BEST4: variants seen among roughly 807,000 people sequenced by gnomAD.
BEST4 encodes the protein bestrophin-4.
A neutral mutation model predicts 47.1 loss-of-function variants in BEST4; 36 were observed. The ratio of observed to expected loss-of-function variants is 0.76; its 90% CI spans 0.59 to 1.01. BEST4 has a LOEUF of 1.01. Among genes scored for constraint, BEST4 ranks in the 50% least tolerant of loss-of-function variants. BEST4 has a pLI of 0.00. For missense variants in BEST4, 550 were observed against 648.6 expected (o/e 0.85, Z 1.65); for synonymous variants, 250 against 277.8 (o/e 0.90, Z 1.00).
chr1:44,787,477 C>A lies in BEST4; in HGVS notation c.153-11G>T, dbSNP rs746721992. On this transcript the variant is annotated splice_polypyrimidine_tract_variant and intron_variant, in intron 1 of 8. Coordinates refer to ENST00000372207, the MANE Select transcript of BEST4 (RefSeq NM_153274.3). Reference sequence around the variant, plus strand: ...TGGGTCAGCAGCAGCCTGGGGAAGGCAGGTGTAGGCTTGGGTTAGAGGGAG... The same window carrying A: ...TGGGTCAGCAGCAGCCTGGGGAAGGAAGGTGTAGGCTTGGGTTAGAGGGAG... The A allele has an allele frequency of 6.2e-7, 1 of 1,614,164 alleles. No homozygotes were observed. The highest frequency in any genetic ancestry group is 1.7e-5 in the Admixed American group (1 of 60,020).
chr1:44,787,480 G>A lies in BEST4; in HGVS notation c.153-14C>T, dbSNP rs1168712003. On this transcript the variant is annotated splice_polypyrimidine_tract_variant and intron_variant, in intron 1 of 8. Coordinates refer to ENST00000372207, the MANE Select transcript of BEST4 (RefSeq NM_153274.3). ...GTCAGCAGCAGCCTGGGGAAGGCAG[G>A]TGTAGGCTTGGGTTAGAGGGAGGTG... The A allele has an allele frequency of 6.2e-7, 1 of 1,614,170 alleles. No homozygotes were observed. The highest frequency in any genetic ancestry group is 1.7e-5 in the Admixed American group (1 of 60,026).
Position 44,783,970 on chromosome 1 carries a change from C to T in BEST4, c.*240G>A, listed in dbSNP as rs1220680087. 1.4e-5 allele frequency: 6 copies of T among 428,752 alleles called. No individual in the cohort carries two copies. The highest frequency in any genetic ancestry group is 2.4e-5 in the Non-Finnish European group (6 of 245,864). The allele number at this position is 428,752 out of a possible 1,614,324, so 26.6% of individuals were successfully genotyped here. On this transcript the variant is annotated 3_prime_UTR_variant, in exon 9 of 9. Coordinates refer to ENST00000372207, the MANE Select transcript of BEST4 (RefSeq NM_153274.3). ...GGCTCTAGTCCTCTATGCCTGGGCT[C>T]ATTTATTTTTCTAGCTTCACGTCCC...
In BEST4 at chr1:44,784,514, C is replaced by T. The variant is rs1178677014; in HGVS notation, c.1149-31G>A. 11 of 1,485,004 alleles carry T rather than the reference C, an allele frequency of 7.4e-6. No individual in the cohort carries two copies. The Admixed American group carries it at 9.1e-5, about 12-fold the overall frequency. The allele number at this position is 1,485,004 out of a possible 1,614,324, so 92.0% of individuals were successfully genotyped here. On this transcript the variant is annotated intron_variant, in intron 8 of 8. Transcript: ENST00000372207. The surrounding 1 kb of genome is among the most constrained non-coding windows in gnomAD (Gnocchi z 6.2). ...GGCGGGAGGGCGGGCTGAGCCGGGGCACAGGGCGGGAGCGGGGACGCGGGA... is the reference window on the plus strand; with the variant it reads ...GGCGGGAGGGCGGGCTGAGCCGGGGTACAGGGCGGGAGCGGGGACGCGGGA...
Position 44,786,509 on chromosome 1 carries a change from G to A in BEST4, c.435C>T (p.Thr145=). The stretch of plus-strand genomic sequence containing the variant: ...TGGTGGGGAAGCGCTTAAGCACGCG[G>A]GTGCTGACCGAGCGCAGCACCAGCA... ...ASVLVLRSVS[T]RVLKRFPTME... Residue 145 remains threonine (T), a synonymous_variant, in exon 3 of 9, where the codon ACC becomes ACT. Coordinates refer to ENST00000372207, the MANE Select transcript of BEST4 (RefSeq NM_153274.3). This position sits in a 1 kb window ranked among gnomAD's most constrained non-coding sequence, Gnocchi z 4.9. 1.9e-6 allele frequency: 3 copies of A among 1,546,922 alleles called. 1 individual carries two copies. Among genetic ancestry groups the A allele is most frequent in the Non-Finnish European group, 2.6e-6 (3 of 1,146,734 alleles).
Position 44,784,502 on chromosome 1 carries a change from G to GCCCCC in BEST4, c.1149-20_1149-19insGGGGG. 1 of 399,786 alleles carries GCCCCC rather than the reference G, an allele frequency of 2.5e-6. No individual in the cohort carries two copies. The highest frequency in any genetic ancestry group is 4.8e-6 in the Non-Finnish European group (1 of 210,196). 24.8% of individuals were successfully genotyped at this position (399,786 alleles called of 1,614,324 possible). A position where few individuals can be genotyped will look rare whatever the true frequency, so the allele number is the denominator to read the frequency against. Reference sequence around the variant, plus strand: ...GCTCATGCTGCGGGCGGGAGGGCGGGCTGAGCCGGGGCACAGGGCGGGAGC... The same window carrying GCCCCC: ...GCTCATGCTGCGGGCGGGAGGGCGGGCCCCCCTGAGCCGGGGCACAGGGCGGGAGC... On this transcript the variant is annotated intron_variant, in intron 8 of 8. Transcript: ENST00000372207. This position sits in a 1 kb window ranked among gnomAD's most constrained non-coding sequence, Gnocchi z 6.2.
Position 44,785,285 on chromosome 1 carries a change from G to A in BEST4, c.735C>T (p.Tyr245=). ...VYTQVVTIAV[Y]SFFALSLVGR... ...CAACCAGGGAGAGGGCAAAGAAAGA[G>A]TAGACGGCTATGGTCACCACCTGGA... Residue 245 remains tyrosine, a synonymous_variant, in exon 6 of 9, where the codon TAC becomes TAT. Transcript: ENST00000372207. 1.2e-6 allele frequency: 2 copies of A among 1,607,226 alleles called. No individual in the cohort carries two copies. The highest frequency in any genetic ancestry group is 1.1e-5 in the South Asian group (1 of 90,258).
At position 44,784,573 on chromosome 1, in the gene BEST4, C is replaced by T; in HGVS notation, c.1148+56G>A. ...CGGGGAAGGACCGAGGCATCGGTGC[C>T]CCAGAGGCTGAGCGAGGACCCGCGT... On this transcript the variant is annotated intron_variant, in intron 8 of 8. Transcript: ENST00000372207. This position sits in a 1 kb window ranked among gnomAD's most constrained non-coding sequence, Gnocchi z 6.2. 2 of 1,565,428 alleles carry T rather than the reference C, an allele frequency of 1.3e-6. No individual in the cohort carries two copies. The highest frequency in any genetic ancestry group is 1.7e-6 in the Non-Finnish European group (2 of 1,157,138).
chr1:44,782,781 T>C (rs1470810146), downstream of BEST4, among the ~76,000 whole-genome samples: 1 of 152,114 alleles, frequency 6.6e-6, no homozygotes, highest in Non-Finnish European at 1.5e-5. Context: ...CACTCTAGTG[T>C]CCCCCCTCTG....
At chr1:44,785,859 C>G (rs1651199383) in intron 4 of BEST4, among the ~76,000 whole-genome samples, 183 bp from the exon 5 acceptor site, 1 of 152,200 alleles carries the variant, frequency 6.6e-6, no homozygotes, top group African/African-American at 2.4e-5. Flanking sequence ...AATTTCTTTT[C>G]TACTCTGTGC....
In BEST4 at chr1:44,784,334, A is replaced by AC; in HGVS notation, c.1297dup (p.Val433GlyfsTer70). 7.2e-7 allele frequency: 1 copy of AC among 1,393,088 alleles called. No individual in the cohort carries two copies. Among genetic ancestry groups the AC allele is most frequent in the Non-Finnish European group, 9.2e-7 (1 of 1,083,390 alleles). 86.3% of individuals were successfully genotyped at this position (1,393,088 alleles called of 1,614,324 possible). A position where few individuals can be genotyped will look rare whatever the true frequency, so the allele number is the denominator to read the frequency against. On this transcript the variant is annotated frameshift_variant, in exon 9 of 9. Coordinates refer to ENST00000372207, the MANE Select transcript of BEST4 (RefSeq NM_153274.3). LOFTEE classifies it low-confidence loss of function (END_TRUNC). This position sits in a 1 kb window ranked among gnomAD's most constrained non-coding sequence, Gnocchi z 6.2. ...ATGCGGGGGGCGGGGGGTGCCTCGC[A>AC]CGCGGCCGAAGTTCCGGAGGCTGAT...
intron 2 of BEST4, among the ~76,000 whole-genome samples, chr1:44,787,028 T>A (rs1030742320): frequency 1.3e-5 from 2 of 151,822 alleles, no homozygotes; most frequent in East Asian, 3.9e-4. Context: ...GAAGTGAGGG[T>A]CCGGCAAGTG....
At position 44,786,254 on chromosome 1, in the gene BEST4, C is replaced by A; in HGVS notation, c.482-26G>T. 1.3e-6 allele frequency: 2 copies of A among 1,578,504 alleles called. No homozygotes were observed. Among genetic ancestry groups the A allele is most frequent in the Non-Finnish European group, 1.7e-6 (2 of 1,161,522 alleles). On this transcript the variant is annotated intron_variant, in intron 3 of 8. Transcript: ENST00000372207. This position sits in a 1 kb window ranked among gnomAD's most constrained non-coding sequence, Gnocchi z 4.9. ...CTGAGGGGGTAAAGCAGGTGGGGTGCAGTTGCACCCTCTGCCGCCAGGGGA... is the reference window on the plus strand; with the variant it reads ...CTGAGGGGGTAAAGCAGGTGGGGTGAAGTTGCACCCTCTGCCGCCAGGGGA...
At chr1:44,792,604 T>A (rs925985513), upstream of BEST4, among the ~76,000 whole-genome samples, 6 of 152,104 alleles carry the variant, frequency 3.9e-5, no homozygotes, top group African/African-American at 1.4e-4. Context: ...CTTTATCCCT[T>A]CCACCTCTGC....
At chr1:44,787,029 C>T (rs1452908857) in intron 2 of BEST4, among the ~76,000 whole-genome samples, 1 of 152,152 alleles carries the variant, frequency 6.6e-6, no homozygotes, top group East Asian at 1.9e-4. Flanking sequence ...AAGTGAGGGT[C>T]CGGCAAGTGA....
downstream of BEST4, among the ~76,000 whole-genome samples, chr1:44,783,281 C>T (rs1280537421): frequency 1.3e-5 from 2 of 152,292 alleles, no homozygotes; most frequent in South Asian, 2.1e-4. Context: ...TTACATCAGC[C>T]GAGTGCCCCC....
At chr1:44,781,868 A>C (rs1651050746), downstream of BEST4, among the ~76,000 whole-genome samples, 1 of 151,956 alleles carries the variant, frequency 6.6e-6, no homozygotes, top group Non-Finnish European at 1.5e-5. Flanking sequence ...GACTTTATTA[A>C]ATTTGAAGTT....
chr1:44,792,426 CA>C (rs35538089), upstream of BEST4, among the ~76,000 whole-genome samples: 22,680 of 98,098 alleles, frequency 0.23, 1,761 homozygotes, highest in East Asian at 0.34. Context: ...GACTCCATCT[CA>C]AAAAAAAAAA....
chr1:44,786,789 A>G lies in BEST4; in HGVS notation c.248-93T>C, dbSNP rs989705651. ...CCTCCCCCAGCAAAGGGCCTGGTCC[A>G]GGCCAGTTGAATCGTGGCAGGGGGA... On this transcript the variant is annotated intron_variant, in intron 2 of 8. Coordinates refer to ENST00000372207, the MANE Select transcript of BEST4 (RefSeq NM_153274.3). The surrounding 1 kb of genome is among the most constrained non-coding windows in gnomAD (Gnocchi z 4.9). 1.4e-5 allele frequency: 13 copies of G among 953,624 alleles called. No individual in the cohort carries two copies. Among genetic ancestry groups the G allele is most frequent in the African/African-American group, 3.3e-5 (2 of 60,444 alleles). The allele number at this position is 953,624 out of a possible 1,614,324, so 59.1% of individuals were successfully genotyped here.
intron 5 of BEST4, 28 bp downstream of exon 5, chr1:44,785,571 T>G: frequency 6.5e-7 from 1 of 1,527,898 alleles, no homozygotes; most frequent in Non-Finnish European, 8.9e-7. Context: ...CAGTAGGCAC[T>G]GGGACTCGGG....
Sources: gnomAD v4.1 joint callset for allele counts (sites outside exome capture counted in the v4.1 genomes callset) on GRCh38, gnomAD v4.1.1 for gene constraint, Gnocchi (gnomAD v3.1) non-coding constraint, MANE v1.5 for transcripts, NCBI Gene and HGNC (gene_info 2026-07-23, HGNC 2026-07-21) for gene names.